Variants in DSCAML1 observed in about 807,000 individuals in gnomAD.
DSCAML1 encodes cell adhesion molecule DSCAML1.
In DSCAML1, 38 loss-of-function variants were observed where a neutral mutation model predicts 200.5. The observed-to-expected ratio is 0.19, with a 90% CI of 0.15 to 0.25. DSCAML1 has a LOEUF of 0.25. Among genes scored for constraint, DSCAML1 ranks in the 10% least tolerant of loss-of-function variants. The pLI is 1.00. For missense variants in DSCAML1, 2,223 were observed against 2,858.8 expected (o/e 0.78, Z 5.07); for synonymous variants, 1,215 against 1,165.0 (o/e 1.04, Z -0.87).
intron 3 of DSCAML1, among the ~76,000 whole-genome samples, chr11:117,565,070 C>A (rs12789727): frequency 0.2 from 31,003 of 151,986 alleles, 3,531 homozygotes; most frequent in Non-Finnish European, 0.25. Flanking sequence ...CCCGGCCAAA[C>A]CTCACTTTCA....
In DSCAML1 at chr11:117,482,142, G is replaced by A. The variant is rs147554220; in HGVS notation, c.2380C>T (p.His794Tyr). The change falls in exon 12 of 33, where the codon CAC (histidine) becomes TAC (tyrosine). Residue 794 changes from histidine to tyrosine, a missense_variant. Coordinates refer to ENST00000651296, the MANE Select transcript of DSCAML1 (RefSeq NM_020693.4). ...TTGATGGCGATGGTGGTGTTGGGGT[G>A]GGAAGTGATCATGGCCGGGACTGGG... is the stretch of plus-strand genomic sequence containing the variant. ...TVKIPAMITSHPNTTIAIKGH... is the reference protein window; with the variant it reads ...TVKIPAMITSYPNTTIAIKGH... 1.1e-3 allele frequency: 1,736 copies of A among 1,614,150 alleles called. 13 individuals carry two copies. Among genetic ancestry groups the A allele is most frequent in the East Asian group, 7.2e-3 (325 of 44,878 alleles).
chr11:117,748,601 C>T (rs533421681), intron 3 of DSCAML1, among the ~76,000 whole-genome samples: 3 of 152,308 alleles, frequency 2.0e-5, no homozygotes, highest in East Asian at 3.9e-4. Context: ...GTGTGGAATG[C>T]GGGGGCTCAG....
chr11:117,525,173 C>T, intron 4 of DSCAML1, 90 bp from the exon 5 acceptor site: 1 of 1,421,096 alleles, frequency 7.0e-7, no homozygotes, highest in South Asian at 1.5e-5. Context: ...CAGACAGGAG[C>T]CTGCTGCCCA....
chr11:117,548,715 T>C (rs950056596), intron 3 of DSCAML1, among the ~76,000 whole-genome samples: 3 of 152,122 alleles, frequency 2.0e-5, no homozygotes, highest in African/African-American at 4.8e-5. Context: ...TTGGATCACA[T>C]TGGAGATGGA....
chr11:117,769,242 ATATATGTATATAT>A (rs1565273541), intron 3 of DSCAML1, among the ~76,000 whole-genome samples: 9 of 4,976 alleles, frequency 1.8e-3, no homozygotes, highest in East Asian at 0.036. Context: ...TATATATTTT[ATATATGTATATAT>A]TATATATTTT....
At chr11:117,661,410 AC>A (rs1341628397) in intron 3 of DSCAML1, among the ~76,000 whole-genome samples, 1 of 152,232 alleles carries the variant, frequency 6.6e-6, no homozygotes, top group African/African-American at 2.4e-5. Context: ...TACACAGTGT[AC>A]CGTTACTGGC....
intron 8 of DSCAML1, among the ~76,000 whole-genome samples, chr11:117,508,316 G>C (rs2049545766): frequency 6.6e-6 from 1 of 152,106 alleles, no homozygotes; most frequent in Admixed American, 6.5e-5. Context: ...GTATCACATG[G>C]CTGTCGGGGT....
chr11:117,438,135 G>A, intron 24 of DSCAML1, 52 bp from the exon 25 acceptor site: 1 of 1,539,170 alleles, frequency 6.5e-7, no homozygotes, highest in Non-Finnish European at 8.8e-7. Flanking sequence ...CAAGGCAGCA[G>A]AAGCCCAGCC....
intron 20 of DSCAML1, among the ~76,000 whole-genome samples, chr11:117,446,865 T>C (rs897633405): frequency 1.3e-5 from 2 of 152,214 alleles, no homozygotes; most frequent in African/African-American, 4.8e-5. Context: ...TATTAAAATA[T>C]GTGCATAAAG....
intron 11 of DSCAML1, among the ~76,000 whole-genome samples, chr11:117,499,972 T>C (rs185272281): frequency 6.6e-6 from 1 of 152,354 alleles, no homozygotes; most frequent in Non-Finnish European, 1.5e-5. Flanking sequence ...CAACTCTACA[T>C]AGAAAGAAAA....
At chr11:117,510,422 C>A (rs1272237257) in intron 8 of DSCAML1, among the ~76,000 whole-genome samples, 1 of 152,110 alleles carries the variant, frequency 6.6e-6, no homozygotes, top group African/African-American at 2.4e-5. Flanking sequence ...GTTGAACCAA[C>A]TAATCACTAA....
chr11:117,654,035 A>G (rs1479946592), intron 3 of DSCAML1, among the ~76,000 whole-genome samples: 4 of 152,230 alleles, frequency 2.6e-5, no homozygotes, highest in Non-Finnish European at 5.9e-5. Flanking sequence ...TCTTAAAAAA[A>G]AGTACTGATA....
rs184112160 is a variant in DSCAML1, at chr11:117,722,344, G to A, written c.511+54447C>T. On this transcript the variant is annotated intron_variant, in intron 3 of 32. Transcript: ENST00000651296. ...AAAAAGTTGAGCTCACAGAAGTAGA[G>A]AGTGAAACTGTGGTTATTAGAGGCT... 2.0e-3 allele frequency among the ~76,000 whole-genome samples: 308 copies of A among 151,806 alleles called. 1 individual carries two copies. Among genetic ancestry groups the A allele is most frequent in the African/African-American group, 7.1e-3 (293 of 41,388 alleles).
chr11:117,499,913 C>A (rs2049364502), intron 11 of DSCAML1, among the ~76,000 whole-genome samples: 1 of 152,248 alleles, frequency 6.6e-6, no homozygotes, highest in South Asian at 2.1e-4. Flanking sequence ...GACTCCCATC[C>A]AGACCCTCGG....
At chr11:117,763,029 T>C (rs1372788522) in intron 3 of DSCAML1, among the ~76,000 whole-genome samples, 4 of 152,178 alleles carry the variant, frequency 2.6e-5, no homozygotes, top group African/African-American at 9.7e-5. Context: ...GGGTATGCCA[T>C]GTGGGGTCCT....
At position 117,676,542 on chromosome 11, in the gene DSCAML1, T is replaced by C. The variant is rs573585986; in HGVS notation, c.511+100249A>G. Among the ~76,000 whole-genome samples the C allele has an allele frequency of 2.6e-4, 39 of 152,314 alleles. 2 individuals are homozygous for C. Among genetic ancestry groups the C allele is most frequent in the Middle Eastern group, 6.8e-3 (2 of 294 alleles). ...TCCCAAAGGGTCCAGGGGGGTTCCA[T>C]TGCCACAACTGCACAGACGGGGTGC... is the stretch of plus-strand genomic sequence containing the variant. On this transcript the variant is annotated intron_variant, in intron 3 of 32. Coordinates refer to ENST00000651296, the MANE Select transcript of DSCAML1 (RefSeq NM_020693.4).
At chr11:117,485,527 C>G (rs972931868) in intron 11 of DSCAML1, among the ~76,000 whole-genome samples, 3 of 152,222 alleles carry the variant, frequency 2.0e-5, no homozygotes, top group Admixed American at 2.0e-4. Context: ...AGCTATGTGG[C>G]CTTCCACCCC....
At position 117,491,851 on chromosome 11, in the gene DSCAML1, A is replaced by G. The variant is rs553064423; in HGVS notation, c.2360-9689T>C. 2.6e-5 allele frequency among the ~76,000 whole-genome samples: 4 copies of G among 152,226 alleles called. No homozygotes were observed. The South Asian group carries it at 8.3e-4, about 32-fold the overall frequency. ...ATCGAAGTAGAATCAGGGGCCCAAG[A>G]ATAGGGGTGCCAAGCTGAGCTTCTC... On this transcript the variant is annotated intron_variant, in intron 11 of 32. Transcript: ENST00000651296.
intron 3 of DSCAML1, among the ~76,000 whole-genome samples, chr11:117,745,928 G>T (rs1402396071): frequency 6.6e-6 from 1 of 152,044 alleles, no homozygotes; most frequent in Non-Finnish European, 1.5e-5. Context: ...AACAGTTCCT[G>T]CACAGGCCAG....
Sources: allele counts gnomAD v4.1 joint callset (sites outside exome capture counted in the v4.1 genomes callset), GRCh38; gene constraint gnomAD v4.1.1; transcripts MANE v1.5; gene names NCBI Gene and HGNC (gene_info 2026-07-23, HGNC 2026-07-21).